The following PAK1 variants were observed in gnomAD, a reference collection of about 807,000 sequenced individuals.
PAK1 encodes the protein serine/threonine-protein kinase PAK 1.
Under a neutral mutation model 67.4 loss-of-function variants are expected in PAK1, and 29 were observed. That is an observed-to-expected ratio of 0.43 (90% confidence interval 0.32 to 0.59). The LOEUF (loss-of-function observed/expected upper bound fraction) is 0.59. PAK1 is among the 20% of genes least tolerant of loss of function. The pLI is 0.07. For missense variants in PAK1, 337 were observed against 670.7 expected (o/e 0.50, Z 5.50); for synonymous variants, 223 against 237.4 (o/e 0.94, Z 0.56).
chr11:77,488,330 C>G, the PAK1 span, among the ~76,000 whole-genome samples: 1 of 152,114 alleles, frequency 6.6e-6, no homozygotes, highest in African/African-American at 2.4e-5. Flanking sequence ...CAGGTGCAAA[C>G]AAGCCCAAAC....
chr11:77,423,368 C>A (rs555967785), intron 1 of PAK1, among the ~76,000 whole-genome samples: 1 of 149,280 alleles, frequency 6.7e-6, no homozygotes, highest in African/African-American at 2.5e-5. Context: ...TATAACCTGT[C>A]TACTTCAAAA....
At chr11:77,412,712 C>A (rs796672846) in intron 1 of PAK1, among the ~76,000 whole-genome samples, 13 of 152,334 alleles carry the variant, frequency 8.5e-5, no homozygotes, top group African/African-American at 3.1e-4. Context: ...GCATGAGCCA[C>A]CACACCTAGC....
intron 1 of PAK1, among the ~76,000 whole-genome samples, chr11:77,430,223 AAAG>A (rs940824952): frequency 6.6e-6 from 1 of 152,222 alleles, no homozygotes. Flanking sequence ...TAGAAAAAAA[AAAG>A]AAGATAACAA....
Position 77,415,616 on chromosome 11 carries a change from TA to T in PAK1, c.-21-23076del, listed in dbSNP as rs200909697. On this transcript the variant is annotated intron_variant, in intron 1 of 14. Transcript: ENST00000356341. ...ACAGTAAAAATACGCCATAAAAGAT[TA>T]AAAAAAAAACAGTACATATGTAAAG... 3.6e-4 allele frequency among the ~76,000 whole-genome samples: 53 copies of T among 147,982 alleles called. 1 individual carries two copies. The East Asian group carries it at 5.1e-3, about 14-fold the overall frequency.
At position 77,344,660 on chromosome 11, in the gene PAK1, A is replaced by T. The variant is rs188646795; in HGVS notation, c.886-729T>A. On this transcript the variant is annotated intron_variant, in intron 9 of 14. Coordinates refer to ENST00000356341, the MANE Select transcript of PAK1 (RefSeq NM_002576.5). The stretch of plus-strand genomic sequence containing the variant: ...ATTACTAATGATTCAACAGACGGGG[A>T]AACTGTGTTTCAGAGAGGATGTGAC... 1.4e-4 allele frequency among the ~76,000 whole-genome samples: 22 copies of T among 152,314 alleles called. No homozygotes were observed. The East Asian group carries it at 3.5e-3, about 24-fold the overall frequency.
At chr11:77,393,285 A>AAGAGAGAG (rs35216521) in intron 1 of PAK1, among the ~76,000 whole-genome samples, 106 of 141,828 alleles carry the variant, frequency 7.5e-4, no homozygotes, top group African/African-American at 2.6e-3. Context: ...TAAAAAAAAA[A>AAGAGAGAG]AGAGAGAGAG....
chr11:77,456,202 G>A (rs965717250), intron 1 of PAK1, among the ~76,000 whole-genome samples: 4 of 152,110 alleles, frequency 2.6e-5, no homozygotes, highest in African/African-American at 4.8e-5. Context: ...CATACTAGAA[G>A]CTATAGGGAG....
the PAK1 span, among the ~76,000 whole-genome samples, chr11:77,482,278 C>A: frequency 1.3e-5 from 1 of 78,150 alleles, no homozygotes; most frequent in Admixed American, 2.0e-4. Context: ...CGTGAGCCAC[C>A]ACGCCCGGCC....
At chr11:77,353,353 C>T (rs935750322) in intron 8 of PAK1, 183 bp downstream of exon 8, 2 of 550,624 alleles carry the variant, frequency 3.6e-6, no homozygotes, top group Admixed American at 3.3e-5. Flanking sequence ...TGGCATCTCT[C>T]TCATATTAAG....
At chr11:77,425,390 C>T (rs537353328) in intron 1 of PAK1, among the ~76,000 whole-genome samples, 1 of 152,214 alleles carries the variant, frequency 6.6e-6, no homozygotes, top group African/African-American at 2.4e-5. Flanking sequence ...AAAAGAGGCA[C>T]CTTCTGTAAG....
intron 1 of PAK1, among the ~76,000 whole-genome samples, chr11:77,423,244 C>T (rs1325528229): frequency 1.3e-5 from 2 of 150,376 alleles, no homozygotes; most frequent in Admixed American, 1.3e-4. Flanking sequence ...TAAGACAATA[C>T]TAGATAGATA....
chr11:77,337,833 T>C lies in PAK1; in HGVS notation c.1117-410A>G, dbSNP rs143332976. ...GGAAGCAGACATATGGAAGTGATACTAGAAGCAGTAAGTTAGCAGGATAAT... is the reference window on the plus strand; with the variant it reads ...GGAAGCAGACATATGGAAGTGATACCAGAAGCAGTAAGTTAGCAGGATAAT... On this transcript the variant is annotated intron_variant, in intron 11 of 14. Transcript: ENST00000356341. Among the ~76,000 whole-genome samples, 268 of 152,330 alleles carry C rather than the reference T, an allele frequency of 1.8e-3. 2 individuals carry two copies. Among genetic ancestry groups the C allele is most frequent in the African/African-American group, 6.0e-3 (249 of 41,586 alleles).
At chr11:77,489,497 A>G in the PAK1 span, among the ~76,000 whole-genome samples, 5 of 150,132 alleles carry the variant, frequency 3.3e-5, no homozygotes, top group Admixed American at 2.6e-4. Flanking sequence ...CTCTGATGCC[A>G]AGCCGAAGCT....
chr11:77,456,668 A>G (rs1484665010), intron 1 of PAK1, among the ~76,000 whole-genome samples: 1 of 152,222 alleles, frequency 6.6e-6, no homozygotes, highest in Non-Finnish European at 1.5e-5. Flanking sequence ...AAAATTTGCT[A>G]AGTGCTTTAC....
chr11:77,451,969 C>T (rs1956878678), intron 1 of PAK1, among the ~76,000 whole-genome samples: 1 of 152,126 alleles, frequency 6.6e-6, no homozygotes. Flanking sequence ...ATTTCTTTTC[C>T]CCTACATTTA....
intron 1 of PAK1, among the ~76,000 whole-genome samples, chr11:77,471,604 G>A (rs1253409990): frequency 6.6e-6 from 1 of 152,214 alleles, no homozygotes; most frequent in East Asian, 1.9e-4. Context: ...GAGTGAAGAT[G>A]AGAGTGGCAG....
At chr11:77,400,736 T>C (rs963329314) in intron 1 of PAK1, among the ~76,000 whole-genome samples, 1 of 152,240 alleles carries the variant, frequency 6.6e-6, no homozygotes, top group Non-Finnish European at 1.5e-5. Context: ...GTTTTAATAA[T>C]CACTAACATT....
chr11:77,379,463 T>G (rs1480248127), intron 3 of PAK1, 75 bp from the exon 4 acceptor site: 5 of 1,410,404 alleles, frequency 3.5e-6, no homozygotes, highest in Non-Finnish European at 4.9e-6. Flanking sequence ...GAGCTAACTT[T>G]GACACTTGCT....
intron 1 of PAK1, among the ~76,000 whole-genome samples, chr11:77,403,186 A>G (rs10899376): frequency 0.25 from 37,429 of 152,156 alleles, 5,702 homozygotes; most frequent in South Asian, 0.46. Flanking sequence ...GTAAAAACCT[A>G]TATTTTCCTT....
Sources: gnomAD v4.1 joint callset for allele counts (sites outside exome capture counted in the v4.1 genomes callset) on GRCh38, gnomAD v4.1.1 for gene constraint, MANE v1.5 for transcripts, NCBI Gene and HGNC (gene_info 2026-07-23, HGNC 2026-07-21) for gene names.